Variants in MYEF2 observed in about 807,000 individuals in gnomAD.
The protein encoded by MYEF2 is myelin expression factor 2.
Under a neutral mutation model 75.2 loss-of-function variants are expected in MYEF2, and 37 were observed. That is an observed-to-expected ratio of 0.49 (90% confidence interval 0.38 to 0.65). The LOEUF (loss-of-function observed/expected upper bound fraction) is 0.65. MYEF2 is among the 30% of genes least tolerant of loss of function. The probability of loss-of-function intolerance (pLI) is 0.00; values close to 1 mark genes in which losing one functional copy is unlikely to be tolerated. For missense variants in MYEF2, 634 were observed against 771.4 expected, an observed-to-expected ratio of 0.82 and a Z score of 2.11; for synonymous variants, 195 against 241.6, an observed-to-expected ratio of 0.81 and a Z score of 1.79.
At position 48,166,126 on chromosome 15, in the gene MYEF2, A is replaced by T. The variant is rs554920411; in HGVS notation, c.426T>A (p.Gly142=). 216 of 1,576,386 alleles carry T rather than the reference A, an allele frequency of 1.4e-4. 1 individual carries two copies. In the South Asian group the frequency reaches 2.3e-3, roughly 17 times the overall value. Residue 142 remains glycine (G), a splice_region_variant and synonymous_variant, in exon 4 of 17, where the codon GGT becomes GGA. Coordinates refer to ENST00000324324, the MANE Select transcript of MYEF2 (RefSeq NM_016132.5). ...TTAAAGAAAAAATTTCTTACCCACA[A>T]CCCTATATCCAGGTAGATTTGTCAA... ...LFKDAEGKSR[G]CGVVEFKDEE...
chr15:48,163,502 T>A (rs1287435086), intron 5 of MYEF2, among the ~76,000 whole-genome samples: 1 of 152,222 alleles, frequency 6.6e-6, no homozygotes, highest in African/African-American at 2.4e-5. Context: ...CAAGTGCTGA[T>A]GTAGAAGCTA....
Position 48,135,038 on chromosome 15 carries a change from T to A in MYEF2, c.*7870A>T. The A allele has an allele frequency of 7.1e-7, 1 of 1,400,616 alleles. No homozygotes were observed. Among genetic ancestry groups the A allele is most frequent in the Non-Finnish European group, 1.0e-6 (1 of 994,662 alleles). 86.8% of individuals were successfully genotyped at this position (1,400,616 alleles called of 1,614,324 possible). A position where few individuals can be genotyped will look rare whatever the true frequency, so the allele number is the denominator to read the frequency against. On this transcript the variant is annotated 3_prime_UTR_variant, in exon 17 of 17. Transcript: ENST00000324324. Reference sequence around the variant, plus strand: ...AATTAGAGATTTTATGAATTTCTGATGGTTCAGTAATTTTTTTTCAGAAAT... The same window carrying A: ...AATTAGAGATTTTATGAATTTCTGAAGGTTCAGTAATTTTTTTTCAGAAAT...
Position 48,139,195 on chromosome 15 carries a change from T to C in MYEF2, c.*3713A>G, listed in dbSNP as rs757171846. 42 of 1,567,632 alleles carry C rather than the reference T, an allele frequency of 2.7e-5. No individual in the cohort carries two copies. The highest frequency in any genetic ancestry group is 3.3e-5 in the Non-Finnish European group (38 of 1,142,242). On this transcript the variant is annotated 3_prime_UTR_variant, in exon 17 of 17. Coordinates refer to ENST00000324324, the MANE Select transcript of MYEF2 (RefSeq NM_016132.5). ...TAACTGGTATGTATTTTAAGTACAA[T>C]AGCACAACTTGAAAATATTCATATA...
rs397960204 is a variant in MYEF2 at position 48,139,521 on chromosome 15, T to TA, written c.*3386dup. On this transcript the variant is annotated 3_prime_UTR_variant, in exon 17 of 17. Transcript: ENST00000324324. ...CTTTATATTGAATTCCATTCCATAA[T>TA]AAAAAAAAAAAAGAACAAAAAAACA... The TA allele has an allele frequency of 0.13, 18,944 of 144,020 alleles. 2,732 individuals carry two copies. Among genetic ancestry groups the TA allele is most frequent in the East Asian group, 0.41 (2,123 of 5,226 alleles). 8.9% of individuals were successfully genotyped at this position (144,020 alleles called of 1,614,324 possible).
Position 48,166,113 on chromosome 15 carries a change from T to C in MYEF2, c.431+8A>G, listed in dbSNP as rs1243719603. ...TGACTTAAGATACTTAAAGAAAAAA[T>C]TTCTTACCCACAACCCTATATCCAG... On this transcript the variant is annotated splice_region_variant and intron_variant, in intron 4 of 16. Transcript: ENST00000324324. 5.1e-6 allele frequency: 8 copies of C among 1,578,742 alleles called. No homozygotes were observed. Among genetic ancestry groups the C allele is most frequent in the Non-Finnish European group, 6.9e-6 (8 of 1,159,462 alleles).
chr15:48,151,428 T>G, intron 13 of MYEF2, 45 bp downstream of exon 13: 1 of 1,547,196 alleles, frequency 6.5e-7, no homozygotes, highest in Non-Finnish European at 8.9e-7. Context: ...ATTTCAAAAA[T>G]TATAGCCTAC....
In MYEF2 at chr15:48,139,254, T is replaced by C; in HGVS notation, c.*3654A>G. On this transcript the variant is annotated 3_prime_UTR_variant, in exon 17 of 17. Transcript: ENST00000324324. ...TTGCATATGTTCACTCAAAGTAGTC[T>C]AGCTACACAGCAAATTTCTTTTCAG... The C allele has an allele frequency of 2.5e-6, 3 of 1,196,536 alleles. No individual in the cohort carries two copies. Among genetic ancestry groups the C allele is most frequent in the Non-Finnish European group, 3.6e-6 (3 of 834,804 alleles). 74.1% of individuals were successfully genotyped at this position (1,196,536 alleles called of 1,614,324 possible). A position where few individuals can be genotyped will look rare whatever the true frequency, so the allele number is the denominator to read the frequency against.
At chr15:48,152,456 A>C (rs1597307853) in intron 10 of MYEF2, 172 bp from the exon 11 acceptor site, 1 of 518,428 alleles carries the variant, frequency 1.9e-6, no homozygotes, top group Non-Finnish European at 3.4e-6. Flanking sequence ...GCAGCTGTCT[A>C]ATCATGAATC....
chr15:48,153,865 A>G lies in MYEF2; in HGVS notation c.1014T>C (p.Leu338=). Residue 338 remains leucine, a synonymous_variant, in exon 10 of 17, where the codon CTT becomes CTC. Transcript: ENST00000324324. ...CACTAATAGGCTGTCCACCCGGACC[A>G]AGTCCCATCCCAATGCCTCCAAGAC... ...PRGLGGIGMG[L]GPGGQPISAS... is the part of the protein sequence containing the mutation. 1 of 1,613,332 alleles carries G rather than the reference A, an allele frequency of 6.2e-7. No individual in the cohort carries two copies. The highest frequency in any genetic ancestry group is 8.5e-7 in the Non-Finnish European group (1 of 1,179,528).
chr15:48,166,106 G>GA lies in MYEF2; in HGVS notation c.431+14dup. On this transcript the variant is annotated intron_variant, in intron 4 of 16. Transcript: ENST00000324324. ...TTTAATTTGACTTAAGATACTTAAA[G>GA]AAAAAATTTCTTACCCACAACCCTA... The GA allele has an allele frequency of 6.3e-7, 1 of 1,578,328 alleles. No homozygotes were observed. The highest frequency in any genetic ancestry group is 8.6e-7 in the Non-Finnish European group (1 of 1,159,966).
At chr15:48,144,517 T>C (rs1178615270) in intron 16 of MYEF2, among the ~76,000 whole-genome samples, 1 of 151,916 alleles carries the variant, frequency 6.6e-6, no homozygotes, top group Non-Finnish European at 1.5e-5. Context: ...TGAAAAGTTA[T>C]AAAATAGGCT....
intron 10 of MYEF2, chr15:48,152,610 G>C (rs1360638730): frequency 4.0e-6 from 1 of 251,196 alleles, no homozygotes; most frequent in African/African-American, 2.3e-5. Flanking sequence ...TACTATCAAT[G>C]ATTTTTTTTT....
At chr15:48,157,385 A>G (rs1260291115) in intron 9 of MYEF2, 1 of 152,196 alleles carries the variant, frequency 6.6e-6, no homozygotes, top group East Asian at 1.9e-4. Flanking sequence ...CTACTTCAGA[A>G]TATCTGTCTG....
In MYEF2 at chr15:48,142,546, CAG is replaced by C; in HGVS notation, c.*360_*361del. The C allele has an allele frequency of 2.0e-6, 1 of 502,180 alleles. No homozygotes were observed. 31.1% of individuals were successfully genotyped at this position (502,180 alleles called of 1,614,324 possible). ...TCATGAAAAATTACATATTATAAAA[CAG>C]AAGTTTGGGGGGAAAAAATCTATGT... On this transcript the variant is annotated 3_prime_UTR_variant, in exon 17 of 17. Coordinates refer to ENST00000324324, the MANE Select transcript of MYEF2 (RefSeq NM_016132.5).
At position 48,166,116 on chromosome 15, in the gene MYEF2, C is replaced by A; in HGVS notation, c.431+5G>T. 1 of 1,580,442 alleles carries A rather than the reference C, an allele frequency of 6.3e-7. No homozygotes were observed. The highest frequency in any genetic ancestry group is 1.4e-5 in the African/African-American group (1 of 73,322). ...CTTAAGATACTTAAAGAAAAAATTT[C>A]TTACCCACAACCCTATATCCAGGTA... On this transcript the variant is annotated splice_donor_5th_base_variant and intron_variant, in intron 4 of 16. Coordinates refer to ENST00000324324, the MANE Select transcript of MYEF2 (RefSeq NM_016132.5).
At chr15:48,166,199 T>A in intron 3 of MYEF2, 71 bp from the exon 4 acceptor site, 1 of 1,256,932 alleles carries the variant, frequency 8.0e-7, no homozygotes, top group Non-Finnish European at 1.1e-6. Flanking sequence ...AAGTTAATAA[T>A]CAGTTCTAAC....
At chr15:48,165,025 A>T (rs1456227664) in intron 5 of MYEF2, among the ~76,000 whole-genome samples, 1 of 152,154 alleles carries the variant, frequency 6.6e-6, no homozygotes, top group East Asian at 1.9e-4. Context: ...TACTACTACC[A>T]TTACTTCAGT....
intron 16 of MYEF2, among the ~76,000 whole-genome samples, chr15:48,143,733 A>G (rs1466555325): frequency 1.3e-5 from 2 of 152,118 alleles, no homozygotes; most frequent in African/African-American, 4.8e-5. Context: ...GTCAAGGAGA[A>G]TATCAGAGAA....
rs757310112 is a variant in MYEF2, at chr15:48,178,064, G to A, written c.161+13C>T. 23 of 1,593,036 alleles carry A rather than the reference G, an allele frequency of 1.4e-5. No individual in the cohort carries two copies. The Middle Eastern group carries it at 6.8e-4, about 47-fold the overall frequency. On this transcript the variant is annotated intron_variant, in intron 1 of 16. Transcript: ENST00000324324. ...CCCCACCTCGCCCCGGTTCCCGGAG[G>A]AAAAGACAATACATTTTAACGCCAT... is the stretch of plus-strand genomic sequence containing the variant.
Sources: allele counts gnomAD v4.1 joint callset (sites outside exome capture counted in the v4.1 genomes callset), GRCh38; gene constraint gnomAD v4.1.1; transcripts MANE v1.5; gene names NCBI Gene and HGNC (gene_info 2026-07-23, HGNC 2026-07-21).